Variants in AK5 observed in about 807,000 individuals in gnomAD.
AK5 encodes adenylate kinase 5.
In AK5, 27 loss-of-function variants were observed where a neutral mutation model predicts 69.5. The ratio of observed to expected loss-of-function variants is 0.39; its 90% CI spans 0.29 to 0.54. The LOEUF (loss-of-function observed/expected upper bound fraction) is 0.54, where lower values mean the gene tolerates loss of function less well. Among genes scored for constraint, AK5 ranks in the 20% least tolerant of loss-of-function variants. The pLI, the probability that AK5 is intolerant of heterozygous loss-of-function variation, is 0.71. For missense variants in AK5, 531 were observed against 700.4 expected (o/e 0.76, Z 2.73); for synonymous variants, 260 against 244.4 (o/e 1.06, Z -0.60).
At chr1:77,299,820 T>A (rs1659231538) in intron 5 of AK5, among the ~76,000 whole-genome samples, 1 of 151,688 alleles carries the variant, frequency 6.6e-6, no homozygotes. Flanking sequence ...ACTTGGTAGG[T>A]ACAAGCAGAT....
rs1557619723 is a variant in AK5, at chr1:77,475,378, TTATATATATGTATATATATAATATATATG to T, written c.1060-7929_1060-7901del. Among the ~76,000 whole-genome samples the T allele has an allele frequency of 4.8e-4, 47 of 98,490 alleles. 3 individuals are homozygous for T. Among genetic ancestry groups the T allele is most frequent in the African/African-American group, 2.1e-3 (44 of 20,878 alleles). 64.6% of individuals were successfully genotyped at this position (98,490 alleles called of 152,430 possible). ...TATATTATATATATACAAATATATA[TTATATATATGTATATATATAATATATATG>T]TATATATATACTATATATTATATAT... On this transcript the variant is annotated intron_variant, in intron 8 of 13. Coordinates refer to ENST00000354567, the MANE Select transcript of AK5 (RefSeq NM_174858.3).
chr1:77,321,621 T>C (rs1660539175), intron 5 of AK5, among the ~76,000 whole-genome samples: 1 of 152,180 alleles, frequency 6.6e-6, no homozygotes, highest in Non-Finnish European at 1.5e-5. Flanking sequence ...ATAGGGAGCA[T>C]CTACAAAAAC....
At chr1:77,497,563 T>C (rs1484154310) in intron 10 of AK5, among the ~76,000 whole-genome samples, 1 of 152,060 alleles carries the variant, frequency 6.6e-6, no homozygotes, top group Non-Finnish European at 1.5e-5. Flanking sequence ...GCAGAAGAAA[T>C]AGAGTTTGAG....
intron 12 of AK5, chr1:77,531,991 CGG>C (rs1658645680): frequency 7.9e-6 from 1 of 125,858 alleles, no homozygotes; most frequent in Non-Finnish European, 1.9e-5. Context: ...TGCGGCCATC[CGG>C]CCGGCCGGCC....
chr1:77,528,792 G>C (rs911395418), intron 12 of AK5, among the ~76,000 whole-genome samples: 2 of 152,226 alleles, frequency 1.3e-5, no homozygotes, highest in Non-Finnish European at 2.9e-5. Flanking sequence ...CACTCCAGCT[G>C]AGAACCCCTG....
At chr1:77,430,404 T>G (rs975675235) in intron 8 of AK5, among the ~76,000 whole-genome samples, 1 of 152,172 alleles carries the variant, frequency 6.6e-6, no homozygotes, top group African/African-American at 2.4e-5. Flanking sequence ...ACGAGTTCTG[T>G]AAAGATAGGG....
intron 6 of AK5, among the ~76,000 whole-genome samples, chr1:77,367,709 A>G (rs1320583895): frequency 2.2e-5 from 2 of 90,676 alleles, no homozygotes; most frequent in South Asian, 3.4e-4. Flanking sequence ...TGTTATATAT[A>G]TGTTATATAT....
At chr1:77,374,174 G>A (rs911163033) in intron 6 of AK5, among the ~76,000 whole-genome samples, 3 of 152,108 alleles carry the variant, frequency 2.0e-5, no homozygotes, top group African/African-American at 7.2e-5. Context: ...TTAAGTTTTA[G>A]CCTCTTAATT....
intron 11 of AK5, among the ~76,000 whole-genome samples, chr1:77,521,358 T>C (rs1037553480): frequency 6.6e-6 from 1 of 152,070 alleles, no homozygotes; most frequent in African/African-American, 2.4e-5. Context: ...GGTCTTGAAC[T>C]CCTGACCTCA....
intron 10 of AK5, among the ~76,000 whole-genome samples, chr1:77,498,936 T>G (rs1656528319): frequency 1.3e-5 from 2 of 152,250 alleles, no homozygotes; most frequent in South Asian, 4.1e-4. Flanking sequence ...CAGCTGTAGT[T>G]GGCTGAGATC....
chr1:77,439,746 A>G (rs1199863395), intron 8 of AK5, among the ~76,000 whole-genome samples: 1 of 151,828 alleles, frequency 6.6e-6, no homozygotes, highest in Non-Finnish European at 1.5e-5. Context: ...AAATTTGGCC[A>G]TAAAAAAGAA....
At chr1:77,541,197 A>T (rs1183214809) in intron 13 of AK5, among the ~76,000 whole-genome samples, 1 of 152,114 alleles carries the variant, frequency 6.6e-6, no homozygotes, top group Non-Finnish European at 1.5e-5. Context: ...GTGAGCTACC[A>T]CGCCCAGCCA....
intron 10 of AK5, among the ~76,000 whole-genome samples, chr1:77,497,209 G>T (rs549265481): frequency 6.6e-6 from 1 of 151,754 alleles, no homozygotes; most frequent in African/African-American, 2.4e-5. Flanking sequence ...GAGCTGTAAC[G>T]CTCACTGCGA....
At chr1:77,538,858 G>C (rs1365602462) in intron 13 of AK5, among the ~76,000 whole-genome samples, 1 of 152,108 alleles carries the variant, frequency 6.6e-6, no homozygotes, top group Admixed American at 6.5e-5. Context: ...AGACAAATCT[G>C]ATTTCTGGAA....
intron 10 of AK5, among the ~76,000 whole-genome samples, chr1:77,495,106 C>T (rs1029596760): frequency 6.6e-6 from 1 of 152,034 alleles, no homozygotes; most frequent in African/African-American, 2.4e-5. Context: ...CTTATTTAAT[C>T]CTCACACCAG....
At chr1:77,469,158 A>G (rs1273844727) in intron 8 of AK5, among the ~76,000 whole-genome samples, 3 of 152,226 alleles carry the variant, frequency 2.0e-5, no homozygotes, top group Admixed American at 6.5e-5. Context: ...TTGGCTGAGC[A>G]GTTCCACTGA....
chr1:77,508,328 G>A (rs1657136652), intron 10 of AK5, among the ~76,000 whole-genome samples: 1 of 152,092 alleles, frequency 6.6e-6, no homozygotes, highest in African/African-American at 2.4e-5. Flanking sequence ...AAGTTCCCAA[G>A]CCTCAGCCCA....
intron 9 of AK5, among the ~76,000 whole-genome samples, chr1:77,485,145 G>A (rs961934429): frequency 1.3e-5 from 2 of 152,226 alleles, no homozygotes; most frequent in African/African-American, 4.8e-5. Flanking sequence ...TCCAAACAAT[G>A]TAAGGTGTTT....
chr1:77,432,675 T>C (rs1031928543), intron 8 of AK5, among the ~76,000 whole-genome samples: 2 of 152,176 alleles, frequency 1.3e-5, no homozygotes, highest in Non-Finnish European at 2.9e-5. Context: ...TTTAAAAAAT[T>C]CTGTGGATAT....
Sources: gnomAD v4.1 joint callset for allele counts (sites outside exome capture counted in the v4.1 genomes callset) on GRCh38, gnomAD v4.1.1 for gene constraint, MANE v1.5 for transcripts, NCBI Gene and HGNC (gene_info 2026-07-23, HGNC 2026-07-21) for gene names.